C10orf105: variants seen among roughly 807,000 people sequenced by gnomAD.
C10orf105 encodes uncharacterized protein C10orf105.
A neutral mutation model predicts 0.6 loss-of-function variants in C10orf105; 2 were observed. The observed-to-expected ratio is 3.18, with a 90% CI of 1.30 to 10.01. The LOEUF (loss-of-function observed/expected upper bound fraction) is 10.01. Among genes scored for constraint, C10orf105 ranks in the 30% most tolerant of loss-of-function variants. C10orf105 has a pLI of 0.04. For missense variants in C10orf105, 209 were observed against 191.4 expected, an observed-to-expected ratio of 1.09 and a Z score of -0.54; for synonymous variants, 95 against 82.4, an observed-to-expected ratio of 1.15 and a Z score of -0.83.
intron 1 of C10orf105, chr10:71,716,979 C>G (rs1303079206): frequency 2.0e-5 from 3 of 152,254 alleles, no homozygotes; most frequent in Non-Finnish European, 4.4e-5. Context: ...AGCCGCTGCC[C>G]CCTGTAGACA....
At chr10:71,727,829 C>T (rs1279210176) in intron 1 of C10orf105, among the ~76,000 whole-genome samples, 1 of 152,234 alleles carries the variant, frequency 6.6e-6, no homozygotes, top group Non-Finnish European at 1.5e-5. Context: ...CCAGGAAGCC[C>T]AGTTGCTCCC....
Position 71,712,797 on chromosome 10 carries a change from G to T in C10orf105, c.*3139C>A, listed in dbSNP as rs529191251. ...AGCGTCCCTGAGGACATCCCTGAAG[G>T]CCACAGCATCTTGCAGGCAGGTGGC... On this transcript the variant is annotated 3_prime_UTR_variant, in exon 2 of 2. Transcript: ENST00000441508. 14 of 1,612,502 alleles carry T rather than the reference G, an allele frequency of 8.7e-6. No homozygotes were observed. The African/African-American group carries it at 9.3e-5, about 11-fold the overall frequency.
At chr10:71,722,465 G>C (rs976822996), upstream of C10orf105, among the ~76,000 whole-genome samples, 1 of 152,222 alleles carries the variant, frequency 6.6e-6, no homozygotes, top group African/African-American at 2.4e-5. Flanking sequence ...CTGAGTGTCA[G>C]CCTAGTTCCT....
chr10:71,726,296 A>G (rs2132808224), intron 1 of C10orf105, among the ~76,000 whole-genome samples: 1 of 152,182 alleles, frequency 6.6e-6, no homozygotes, highest in East Asian at 1.9e-4. Context: ...CAGGCAGAGC[A>G]AGCAGGGACT....
In C10orf105 at chr10:71,715,286, G is replaced by A. The variant is rs1419159504; in HGVS notation, c.*650C>T. On this transcript the variant is annotated 3_prime_UTR_variant, in exon 2 of 2. Coordinates refer to ENST00000441508, the MANE Select transcript of C10orf105 (RefSeq NM_001164375.3). The stretch of plus-strand genomic sequence containing the variant: ...TCCCAACGTGGGTGCCCTGAAGAGG[G>A]GCCACCAAGACGGCTGCCAAGACCA... 2 of 152,222 alleles carry A rather than the reference G, an allele frequency of 1.3e-5. No individual in the cohort carries two copies. The highest frequency in any genetic ancestry group is 2.9e-5 in the Non-Finnish European group (2 of 68,070). The allele number at this position is 152,222 out of a possible 1,614,324, so 9.4% of individuals were successfully genotyped here.
At chr10:71,724,094 G>A (rs765153195), upstream of C10orf105, 23 of 1,558,354 alleles carry the variant, frequency 1.5e-5, no homozygotes, top group African/African-American at 1.4e-4. Flanking sequence ...GTGTGGTACC[G>A]CATCCTCCAT....
intron 1 of C10orf105, among the ~76,000 whole-genome samples, chr10:71,729,092 C>T (rs1383011209): frequency 1.3e-5 from 2 of 152,152 alleles, no homozygotes; most frequent in Non-Finnish European, 2.9e-5. Flanking sequence ...ACTTCAACCT[C>T]CCAAATTTCT....
upstream of C10orf105, chr10:71,723,959 T>G (rs1866687484): frequency 6.8e-7 from 1 of 1,466,838 alleles, no homozygotes; most frequent in Non-Finnish European, 9.3e-7. Flanking sequence ...GTAGGATGCG[T>G]GAAGGGAAGG....
At chr10:71,732,516 C>A (rs1338375487) in intron 1 of C10orf105, 33 of 1,367,712 alleles carry the variant, frequency 2.4e-5, no homozygotes, top group South Asian at 5.6e-5. Flanking sequence ...CCTGTAGTCC[C>A]AGCTGCTTGA....
At chr10:71,717,613 A>G (rs1866332787) in intron 1 of C10orf105, 1 of 152,278 alleles carries the variant, frequency 6.6e-6, no homozygotes, top group African/African-American at 2.4e-5. Flanking sequence ...CCAGCAGATA[A>G]CACATGACCA....
At chr10:71,732,815 C>A in intron 1 of C10orf105, 5 of 588,696 alleles carry the variant, frequency 8.5e-6, no homozygotes, top group Non-Finnish European at 1.1e-5. Context: ...GGTTTTCCCC[C>A]ATTATCGGCA....
chr10:71,726,769 G>T (rs905428362), intron 1 of C10orf105, among the ~76,000 whole-genome samples: 1 of 152,250 alleles, frequency 6.6e-6, no homozygotes, highest in Non-Finnish European at 1.5e-5. Context: ...AGCGAAGCTG[G>T]GGTTGGGTCT....
chr10:71,720,227 C>A (rs1195884962), upstream of C10orf105, among the ~76,000 whole-genome samples: 1 of 152,200 alleles, frequency 6.6e-6, no homozygotes, highest in African/African-American at 2.4e-5. Flanking sequence ...CCATTCCTTC[C>A]AGGCTTTTCC....
chr10:71,716,376 G>T, intron 1 of C10orf105, 34 bp from the exon 2 acceptor site: 1 of 1,450,322 alleles, frequency 6.9e-7, no homozygotes. Context: ...CTCAAAGGCA[G>T]ATCAGCTGGA....
At chr10:71,722,091 G>T (rs909397054), upstream of C10orf105, among the ~76,000 whole-genome samples, 1 of 152,172 alleles carries the variant, frequency 6.6e-6, no homozygotes, top group Non-Finnish European at 1.5e-5. Flanking sequence ...AGTGAGCAAC[G>T]ATAGGAAAGC....
Position 71,734,405 on chromosome 10 carries a change from C to T in C10orf105, c.-6+3323G>A, listed in dbSNP as rs942708491. On this transcript the variant is annotated intron_variant, in intron 1 of 1. Coordinates refer to the C10orf105 transcript ENST00000398786. ...CATCGCTGGCCATGACACTTCCTAA[C>T]CCATGTCCTCGCCAGCCACCCAATG... The T allele has an allele frequency of 3.3e-6, 5 of 1,517,316 alleles. No homozygotes were observed. The African/African-American group carries it at 6.9e-5, about 21-fold the overall frequency. 94.0% of individuals were successfully genotyped at this position (1,517,316 alleles called of 1,614,324 possible).
upstream of C10orf105, chr10:71,724,028 GTC>G: frequency 6.4e-7 from 1 of 1,554,760 alleles, no homozygotes; most frequent in South Asian, 1.2e-5. Context: ...AGTAACTCGT[GTC>G]TCATTCTTCC....
At position 71,714,297 on chromosome 10, in the gene C10orf105, G is replaced by A. The variant is rs1463607798; in HGVS notation, c.*1639C>T. On this transcript the variant is annotated 3_prime_UTR_variant, in exon 2 of 2. Transcript: ENST00000441508. ...CAAGACTCCTGCCTCAGAGGGTGGG[G>A]ACACACCCAGGCTGGGCCACGCTTC... 1.3e-5 allele frequency: 2 copies of A among 152,050 alleles called. No individual in the cohort carries two copies. The highest frequency in any genetic ancestry group is 6.5e-5 in the Admixed American group (1 of 15,280). 9.4% of individuals were successfully genotyped at this position (152,050 alleles called of 1,614,324 possible). A position where few individuals can be genotyped will look rare whatever the true frequency, so the allele number is the denominator to read the frequency against.
At position 71,716,112 on chromosome 10, in the gene C10orf105, G is replaced by C; in HGVS notation, c.226C>G (p.Pro76Ala). ...PSRRRAHECM[P>A]HHPGSPSEPQ... is the part of the protein sequence containing the mutation. ...TCACTGGGGCTCCCAGGGTGGTGGG[G>C]CATGCACTCGTGAGCCCTGCGGCGG... Residue 76 changes from proline to alanine, a missense_variant, in exon 2 of 2, where the codon CCC (proline) becomes GCC (alanine). By Grantham distance (27) the Pro-to-Ala change is conservative (BLOSUM62 -1). Coordinates refer to ENST00000441508, the MANE Select transcript of C10orf105 (RefSeq NM_001164375.3). 6.5e-7 allele frequency: 1 copy of C among 1,547,036 alleles called. No homozygotes were observed. The highest frequency in any genetic ancestry group is 8.7e-7 in the Non-Finnish European group (1 of 1,144,744).
Sources: allele counts gnomAD v4.1 joint callset (sites outside exome capture counted in the v4.1 genomes callset), GRCh38; gene constraint gnomAD v4.1.1; transcripts MANE v1.5; gene names NCBI Gene and HGNC (gene_info 2026-07-23, HGNC 2026-07-21).